The following MAPT variants were observed in gnomAD, a reference collection of about 807,000 sequenced individuals.
The protein encoded by MAPT is microtubule associated protein tau.
Under a neutral mutation model 67.9 loss-of-function variants are expected in MAPT, and 34 were observed. That is an observed-to-expected ratio of 0.50 (90% CI 0.38 to 0.67). The LOEUF (loss-of-function observed/expected upper bound fraction) is 0.67. Ranked by LOEUF, MAPT falls within the 30% of genes least tolerant of loss-of-function variation. MAPT has a pLI of 0.00. For synonymous variants in MAPT, 456 were observed against 464.5 expected (o/e 0.98, Z 0.23); for missense variants, 881 against 1,115.2 (o/e 0.79, Z 2.99).
At chr17:46,020,102 T>C (rs1277830602) in intron 12 of MAPT, among the ~76,000 whole-genome samples, 1 of 151,956 alleles carries the variant, frequency 6.6e-6, no homozygotes, top group African/African-American at 2.4e-5. Flanking sequence ...CAGTCAGCTG[T>C]GGCGCACCAA....
rs73313186 is a variant in MAPT at position 45,900,735 on chromosome 17, T to G, written c.-18+6049T>G. On this transcript the variant is annotated intron_variant, in intron 1 of 12. Coordinates refer to ENST00000262410, the MANE Select transcript of MAPT (RefSeq NM_001377265.1). ...TAATGGTTAAGGAGGTAGGCTCTGA[T>G]CGGGCCTCCTGGGCACAAATCCCAG... Among the ~76,000 whole-genome samples, 301 of 152,286 alleles carry G rather than the reference T, an allele frequency of 2.0e-3. 3 individuals are homozygous for G. The highest frequency in any genetic ancestry group is 7.1e-3 in the African/African-American group (295 of 41,556).
intron 1 of MAPT, among the ~76,000 whole-genome samples, chr17:45,947,534 C>T (rs572998473): frequency 2.8e-4 from 43 of 151,968 alleles, no homozygotes; most frequent in Non-Finnish European, 4.7e-4. Flanking sequence ...ATTACAGGTG[C>T]CCACCACCAC....
chr17:45,992,147 A>G (rs999871691), intron 8 of MAPT, among the ~76,000 whole-genome samples: 3 of 152,158 alleles, frequency 2.0e-5, no homozygotes, highest in African/African-American at 7.2e-5. Context: ...ATAAAAAAAA[A>G]TACAGAAAAA....
chr17:45,989,976 C>CA lies in MAPT; in HGVS notation c.1507dup (p.Ser503LysfsTer13). 5.0e-6 allele frequency: 8 copies of CA among 1,614,192 alleles called. No homozygotes were observed. Among genetic ancestry groups the CA allele is most frequent in the Non-Finnish European group, 6.8e-6 (8 of 1,180,024 alleles). On this transcript the variant is annotated frameshift_variant, in exon 7 of 13. Coordinates refer to ENST00000262410, the MANE Select transcript of MAPT (RefSeq NM_001377265.1). LOFTEE classifies it high-confidence loss of function. ...GCTCAGACCCTCTGATCCAACCCTCCAGCCCTGCTGTGTGCCCAGAGCCAC... is the reference window on the plus strand; with the variant it reads ...GCTCAGACCCTCTGATCCAACCCTCCAAGCCCTGCTGTGTGCCCAGAGCCAC...
intron 1 of MAPT, among the ~76,000 whole-genome samples, chr17:45,958,992 G>A (rs1171273352): frequency 6.6e-6 from 1 of 152,192 alleles, no homozygotes; most frequent in East Asian, 1.9e-4. Flanking sequence ...GAACACGGGA[G>A]GCAGAGGTTG....
intron 1 of MAPT, among the ~76,000 whole-genome samples, chr17:45,946,598 TAAA>T (rs763910082): frequency 1.6e-5 from 1 of 60,906 alleles, no homozygotes; most frequent in Non-Finnish European, 3.0e-5. Flanking sequence ...GACTCTGTCT[TAAA>T]AAAAAAAAAA....
At chr17:45,994,077 C>A in intron 8 of MAPT, 2 of 1,182,290 alleles carry the variant, frequency 1.7e-6, no homozygotes, top group Non-Finnish European at 2.4e-6. Context: ...TTCTGCAATG[C>A]AGGGTTCACA....
chr17:45,960,841 CA>C (rs58287898), intron 1 of MAPT, among the ~76,000 whole-genome samples: 21,390 of 142,252 alleles, frequency 0.15, 1,766 homozygotes, highest in Non-Finnish European at 0.21. Context: ...TCACAGGGGC[CA>C]AAAAAAAAAA....
intron 1 of MAPT, among the ~76,000 whole-genome samples, chr17:45,955,697 G>T (rs1038926051): frequency 1.3e-5 from 2 of 152,038 alleles, no homozygotes; most frequent in Non-Finnish European, 2.9e-5. Context: ...AGGCAGAGGG[G>T]AGAACGGCTC....
intron 1 of MAPT, among the ~76,000 whole-genome samples, chr17:45,930,021 G>A (rs1313078134): frequency 6.6e-6 from 1 of 152,156 alleles, no homozygotes; most frequent in East Asian, 1.9e-4. Flanking sequence ...TTCTGGGCCT[G>A]ACCACCAAGC....
intron 1 of MAPT, among the ~76,000 whole-genome samples, chr17:45,928,359 C>A (rs963997336): frequency 6.6e-6 from 1 of 152,210 alleles, no homozygotes; most frequent in Non-Finnish European, 1.5e-5. Flanking sequence ...CAGGTCTCAG[C>A]AGAAACATCA....
At chr17:46,019,927 G>T (rs1358884797) in intron 12 of MAPT, among the ~76,000 whole-genome samples, 1 of 151,050 alleles carries the variant, frequency 6.6e-6, no homozygotes, top group Non-Finnish European at 1.5e-5. Flanking sequence ...CATGAGAATT[G>T]CTTGAACCCA....
chr17:45,983,751 C>T lies in MAPT; in HGVS notation c.1172C>T (p.Ala391Val), dbSNP rs762447364. The T allele has an allele frequency of 3.3e-5, 54 of 1,614,010 alleles. No individual in the cohort carries two copies. Among genetic ancestry groups the T allele is most frequent in the Non-Finnish European group, 4.5e-5 (53 of 1,180,032 alleles). The change falls in exon 5 of 13, where the codon GCG becomes GTG. Residue 391 changes from alanine to valine, a missense_variant. Physicochemically the swap from Ala to Val is moderately conservative, Grantham distance 64 (BLOSUM62 0). Coordinates refer to ENST00000262410, the MANE Select transcript of MAPT (RefSeq NM_001377265.1). ...EITPNVQKEQ[A>V]HSEEHLGRAA... is the part of the protein sequence containing the mutation. ...ACACCCAACGTGCAGAAGGAGCAGG[C>T]GCACTCGGAGGAGCATTTGGGAAGG...
intron 9 of MAPT, among the ~76,000 whole-genome samples, chr17:46,003,666 G>A (rs1490610492): frequency 1.3e-5 from 2 of 152,184 alleles, no homozygotes; most frequent in African/African-American, 4.8e-5. Context: ...TAAATACAGT[G>A]AATTTGTACG....
At chr17:45,975,367 A>G (rs78104015) in intron 3 of MAPT, 22,011 of 152,190 alleles carry the variant, frequency 0.14, 2,141 homozygotes, top group Non-Finnish European at 0.22. Context: ...AGCCTGCAGC[A>G]TTCTCTAGGG....
At chr17:46,007,223 G>A (rs1270985895) in intron 9 of MAPT, among the ~76,000 whole-genome samples, 1 of 152,148 alleles carries the variant, frequency 6.6e-6, no homozygotes, top group Non-Finnish European at 1.5e-5. Flanking sequence ...CGTGGTTCAC[G>A]CCTGTAATCC....
rs1214314857 is a variant in MAPT at position 45,962,430 on chromosome 17, G to C, written c.93G>C (p.Met31Ile). 5 of 1,612,860 alleles carry C rather than the reference G, an allele frequency of 3.1e-6. No homozygotes were observed. The highest frequency in any genetic ancestry group is 3.4e-6 in the Non-Finnish European group (4 of 1,179,936). ...GDRKDQGGYT[M>I]HQDQEGDTDA... ...GGAAAGATCAGGGGGGCTACACCAT[G>C]CACCAAGACCAAGAGGGTGACACGG... is the stretch of plus-strand genomic sequence containing the variant. Residue 31 changes from methionine to isoleucine, a missense_variant, in exon 2 of 13, where the codon ATG (methionine) becomes ATC (isoleucine). By Grantham distance (10) the Met-to-Ile change is conservative. Transcript: ENST00000262410.
chr17:45,910,940 A>G (rs951379062), intron 1 of MAPT, among the ~76,000 whole-genome samples: 1 of 152,198 alleles, frequency 6.6e-6, no homozygotes, highest in Non-Finnish European at 1.5e-5. Context: ...TAGAAGACAG[A>G]AGGAGGAAAA....
chr17:45,968,485 G>A (rs1174101342), intron 2 of MAPT, among the ~76,000 whole-genome samples: 7 of 152,304 alleles, frequency 4.6e-5, no homozygotes, highest in African/African-American at 1.7e-4. Flanking sequence ...TCCCAAGGAG[G>A]GTAGAGAGAA....
Sources: gnomAD v4.1 joint callset for allele counts (sites outside exome capture counted in the v4.1 genomes callset) on GRCh38, gnomAD v4.1.1 for gene constraint, MANE v1.5 for transcripts, NCBI Gene and HGNC (gene_info 2026-07-23, HGNC 2026-07-21) for gene names.